REV3L: variants seen among roughly 807,000 people sequenced by gnomAD.
REV3L encodes DNA polymerase zeta catalytic subunit.
REV3L carries 69 observed loss-of-function variants against 299.4 expected under a neutral mutation model. That is an observed-to-expected ratio of 0.23 (90% confidence interval 0.19 to 0.28). The LOEUF (loss-of-function observed/expected upper bound fraction) is 0.28. REV3L is among the 10% of genes least tolerant of loss of function. REV3L has a pLI of 1.00. For missense variants in REV3L, 3,128 were observed against 3,693.8 expected (o/e 0.85, Z 3.97); for synonymous variants, 1,238 against 1,271.4 (o/e 0.97, Z 0.56).
chr6:111,435,022 T>C (rs1006884384), intron 1 of REV3L, among the ~76,000 whole-genome samples: 1 of 152,132 alleles, frequency 6.6e-6, no homozygotes, highest in African/African-American at 2.4e-5. Flanking sequence ...CTGGGCAACA[T>C]GGTGAAACCC....
rs768948691 is a variant in REV3L, at chr6:111,379,998, G to A, written c.1438C>T (p.His480Tyr). Residue 480 changes from histidine to tyrosine, a missense_variant, in exon 11 of 32, where the codon CAT becomes TAT. Physicochemically the swap from His to Tyr is moderately conservative, Grantham distance 83. This residue lies in a region of REV3L where 2,409 missense variants were observed against 2,611.8 expected (regional missense o/e 0.92). Transcript: ENST00000368802. Reference protein sequence around the residue: ...SQRWDSNIEEHCAKKRSLCRN... With the variant: ...SQRWDSNIEEYCAKKRSLCRN... ...AAAAATTACCTCTTTTTGGCACAAT[G>A]TTCTTCAATATTGCTGTCCCATCTC... 6 of 1,609,798 alleles carry A rather than the reference G, an allele frequency of 3.7e-6. No individual in the cohort carries two copies. The highest frequency in any genetic ancestry group is 4.2e-6 in the Non-Finnish European group (5 of 1,177,186).
chr6:111,299,908 C>A lies in REV3L; in HGVS notation c.*108G>T. On this transcript the variant is annotated 3_prime_UTR_variant, in exon 32 of 32. Transcript: ENST00000368802. Reference sequence around the variant, plus strand: ...AGAAGTCTTCATAGTCTTCAGATAACAGACAGTGAACATCCTTGACTCGAT... The same window carrying A: ...AGAAGTCTTCATAGTCTTCAGATAAAAGACAGTGAACATCCTTGACTCGAT... 9.3e-7 allele frequency: 1 copy of A among 1,073,966 alleles called. No individual in the cohort carries two copies. Among genetic ancestry groups the A allele is most frequent in the African/African-American group, 1.6e-5 (1 of 61,018 alleles). The allele number at this position is 1,073,966 out of a possible 1,614,324, so 66.5% of individuals were successfully genotyped here. A position where few individuals can be genotyped will look rare whatever the true frequency, so the allele number is the denominator to read the frequency against.
chr6:111,475,027 G>A (rs1261644976), intron 1 of REV3L, among the ~76,000 whole-genome samples: 6 of 136,804 alleles, frequency 4.4e-5, no homozygotes, highest in Admixed American at 4.3e-4. Flanking sequence ...ACACACATAT[G>A]GATTTTATTA....
rs757301063 is a variant in REV3L, at chr6:111,389,198, C to T, written c.770G>A (p.Gly257Glu). The change falls in exon 7 of 32, where the codon GGA (glycine) becomes GAA (glutamate). Residue 257 changes from glycine to glutamate, a missense_variant. Physicochemically the swap from Gly to Glu is moderately conservative, Grantham distance 98. This residue lies in a region of REV3L where 2,409 missense variants were observed against 2,611.8 expected (regional missense o/e 0.92). Transcript: ENST00000368802. ...CCATATGGCCTGTAGACCAGGGTTT[C>T]CACCAATTTGAGCTGTAATCACAAT... The part of the protein sequence containing the change: ...NRLDIEAQIG[G>E]NPGLQAIWED... The T allele has an allele frequency of 6.2e-7, 1 of 1,613,422 alleles. No individual in the cohort carries two copies. Among genetic ancestry groups the T allele is most frequent in the Admixed American group, 1.7e-5 (1 of 59,960 alleles).
rs1382926347 is a variant in REV3L at position 111,388,047 on chromosome 6, A to T, written c.901T>A (p.Phe301Ile). The T allele has an allele frequency of 1.6e-5, 25 of 1,612,206 alleles. No individual in the cohort carries two copies. Among genetic ancestry groups the T allele is most frequent in the Non-Finnish European group, 2.1e-5 (25 of 1,179,326 alleles). Reference sequence around the variant, plus strand: ...AGAATTTCCTGAAGTCTCTTCTGAAATTTTTTTTCACTTTCTGTTGCTGGC... The same window carrying T: ...AGAATTTCCTGAAGTCTCTTCTGAATTTTTTTTTCACTTTCTGTTGCTGGC... ...FVPATESEKKFQKRLQEILKQ... is the reference protein window; with the variant it reads ...FVPATESEKKIQKRLQEILKQ... The change falls in exon 8 of 32, where the codon TTT becomes ATT. Residue 301 changes from phenylalanine to isoleucine, a missense_variant. By Grantham distance (21) the Phe-to-Ile change is conservative. This residue lies in a region of REV3L where 2,409 missense variants were observed against 2,611.8 expected (regional missense o/e 0.92). Transcript: ENST00000368802.
Position 111,373,785 on chromosome 6 carries a change from G to C in REV3L, c.4570C>G (p.Gln1524Glu), listed in dbSNP as rs1033370660. The change falls in exon 13 of 32, where the codon CAG becomes GAG. Residue 1524 changes from glutamine (Q) to glutamate (E), a missense_variant. By Grantham distance (29) the Gln-to-Glu change is conservative (BLOSUM62 2). Coordinates refer to ENST00000368802, the MANE Select transcript of REV3L (RefSeq NM_001372078.1). ...VSTPSAFGEG[Q>E]SGLAVLKELL... is the part of the protein sequence containing the mutation. Reference sequence around the variant, plus strand: ...TCTTTTAGAACTGCCAGTCCAGACTGTCCTTCACCAAATGCTGAAGGTGTT... The same window carrying C: ...TCTTTTAGAACTGCCAGTCCAGACTCTCCTTCACCAAATGCTGAAGGTGTT... 6.8e-6 allele frequency: 11 copies of C among 1,613,924 alleles called. No individual in the cohort carries two copies. In the Admixed American group the frequency reaches 1.3e-4, roughly 20 times the overall value.
chr6:111,330,446 G>C (rs1775264262), intron 24 of REV3L: 1 of 337,546 alleles, frequency 3.0e-6, no homozygotes, highest in South Asian at 2.3e-5. Flanking sequence ...TATTAACTTT[G>C]ATGATGATTC....
chr6:111,430,335 C>T lies in REV3L; in HGVS notation c.140-13863G>A, dbSNP rs1433568110. On this transcript the variant is annotated intron_variant, in intron 1 of 31. Coordinates refer to ENST00000368802, the MANE Select transcript of REV3L (RefSeq NM_001372078.1). ...CTGATTTTACTGCTCCTGGCTACTC[C>T]ATGATCATTAAACACCCAATGGATT... 4 of 1,166,640 alleles carry T rather than the reference C, an allele frequency of 3.4e-6. No individual in the cohort carries two copies. The East Asian group carries it at 9.4e-5, about 27-fold the overall frequency. 72.3% of individuals were successfully genotyped at this position (1,166,640 alleles called of 1,614,324 possible).
chr6:111,465,745 C>CAAAAAAAAAA (rs376561912), intron 1 of REV3L, among the ~76,000 whole-genome samples: 65 of 76,750 alleles, frequency 8.5e-4, no homozygotes, highest in East Asian at 4.2e-3. Flanking sequence ...AAACAAAAAC[C>CAAAAAAAAAA]AAAAAAAAAA....
At chr6:111,352,866 G>C (rs888414627) in intron 18 of REV3L, among the ~76,000 whole-genome samples, 1 of 152,124 alleles carries the variant, frequency 6.6e-6, no homozygotes, top group African/African-American at 2.4e-5. Flanking sequence ...CCTCCATGTT[G>C]TGACCACCAT....
chr6:111,411,935 G>T, intron 2 of REV3L: 1 of 968,946 alleles, frequency 1.0e-6, no homozygotes, highest in Non-Finnish European at 1.2e-6. Flanking sequence ...ATTTTTGTTT[G>T]CTTTACTCCA....
chr6:111,346,418 C>A (rs538478688), intron 20 of REV3L, among the ~76,000 whole-genome samples: 2 of 152,228 alleles, frequency 1.3e-5, no homozygotes, highest in Non-Finnish European at 1.5e-5. Flanking sequence ...TGCAGGAGTT[C>A]TATGTTCAAA....
chr6:111,420,909 G>A (rs912585917), intron 1 of REV3L, among the ~76,000 whole-genome samples: 1 of 152,150 alleles, frequency 6.6e-6, no homozygotes, highest in African/African-American at 2.4e-5. Context: ...TGGGGGCTGA[G>A]GCAGGTAGAT....
chr6:111,341,971 T>C (rs1424062626), intron 21 of REV3L, among the ~76,000 whole-genome samples: 1 of 93,272 alleles, frequency 1.1e-5, no homozygotes, highest in African/African-American at 2.9e-5. Flanking sequence ...TGGCATTCAG[T>C]TGTGAGCCCA....
chr6:111,435,975 T>C (rs916184512), intron 1 of REV3L, among the ~76,000 whole-genome samples: 2 of 152,050 alleles, frequency 1.3e-5, no homozygotes, highest in Admixed American at 1.3e-4. Flanking sequence ...AAACAAATAA[T>C]CTGATTTTTA....
At chr6:111,417,250 C>T (rs913160507) in intron 1 of REV3L, among the ~76,000 whole-genome samples, 2 of 152,176 alleles carry the variant, frequency 1.3e-5, no homozygotes, top group African/African-American at 4.8e-5. Context: ...TGAGTGAGAA[C>T]CCACAAAAGA....
rs771980346 is a variant in REV3L, at chr6:111,375,530, T to A, written c.2825A>T (p.Lys942Ile). 1.2e-6 allele frequency: 2 copies of A among 1,613,464 alleles called. No homozygotes were observed. The highest frequency in any genetic ancestry group is 8.5e-7 in the Non-Finnish European group (1 of 1,179,810). ...TTCCATGGGATGAGGTAGACTAATT[T>A]TTGAGTTGTGAGTTACAAAACTTGA... ...SESSFVTHNS[K>I]ISLPHPMEIG... is the part of the protein sequence containing the mutation. The change falls in exon 13 of 32, where the codon AAA becomes ATA. Residue 942 changes from lysine (K) to isoleucine (I), a missense_variant. Physicochemically the swap from Lys to Ile is moderately radical, Grantham distance 102. This residue lies in a region of REV3L where 2,409 missense variants were observed against 2,611.8 expected (regional missense o/e 0.92). Coordinates refer to ENST00000368802, the MANE Select transcript of REV3L (RefSeq NM_001372078.1).
In REV3L at chr6:111,306,139, A is replaced by G. The variant is rs573010933; in HGVS notation, c.9252+1222T>C. 2.0e-5 allele frequency among the ~76,000 whole-genome samples: 3 copies of G among 152,300 alleles called. No homozygotes were observed. The South Asian group carries it at 6.2e-4, about 32-fold the overall frequency. On this transcript the variant is annotated intron_variant, in intron 31 of 31. Coordinates refer to ENST00000368802, the MANE Select transcript of REV3L (RefSeq NM_001372078.1). ...ATTTGCTATTTAGTGAGGAAGACAG[A>G]CAAACCCCAAATCACAGTAAAGCAG...
chr6:111,379,316 AT>A (rs1248295950), intron 11 of REV3L, among the ~76,000 whole-genome samples: 1 of 152,212 alleles, frequency 6.6e-6, no homozygotes, highest in Admixed American at 6.5e-5. Context: ...TGGGTTGGAA[AT>A]TTCAAATACA....
Sources: gnomAD v4.1 joint callset for allele counts (sites outside exome capture counted in the v4.1 genomes callset) on GRCh38, gnomAD v4.1.1 for gene constraint, gnomAD v4.1.1 regional missense constraint, MANE v1.5 for transcripts, NCBI Gene and HGNC (gene_info 2026-07-23, HGNC 2026-07-21) for gene names.